FAT3: variants seen among roughly 807,000 people sequenced by gnomAD.
FAT3 encodes the protein FAT atypical cadherin 3.
Under a neutral mutation model 310.2 loss-of-function variants are expected in FAT3, and 95 were observed. The observed-to-expected ratio is 0.31, with a 90% confidence interval of 0.26 to 0.36. The LOEUF is 0.36. Ranked by LOEUF, FAT3 falls within the 10% of genes least tolerant of loss-of-function variation. The pLI, the probability that FAT3 is intolerant of heterozygous loss-of-function variation, is 1.00. For synonymous variants in FAT3, 2,314 were observed against 2,192.9 expected, an observed-to-expected ratio of 1.06 and a Z score of -1.54; for missense variants, 5,408 against 5,715.6, an observed-to-expected ratio of 0.95 and a Z score of 1.74.
chr11:92,607,189 T>C (rs980602264), intron 3 of FAT3, among the ~76,000 whole-genome samples: 13 of 152,174 alleles, frequency 8.5e-5, no homozygotes, highest in Non-Finnish European at 1.5e-4. Context: ...GAAATTTTCA[T>C]TGGTGATCAG....
At chr11:92,609,345 G>T (rs780579602) in intron 3 of FAT3, among the ~76,000 whole-genome samples, 2 of 152,066 alleles carry the variant, frequency 1.3e-5, no homozygotes, top group Admixed American at 1.3e-4. Flanking sequence ...TATGAATGTG[G>T]GTTAAAACCT....
At chr11:92,341,604 C>G (rs1027496011) in intron 1 of FAT3, among the ~76,000 whole-genome samples, 2 of 152,176 alleles carry the variant, frequency 1.3e-5, no homozygotes, top group Admixed American at 1.3e-4. Flanking sequence ...TTCCTTGACC[C>G]ACATGCAAGC....
At chr11:92,315,372 T>C (rs1046739900) in intron 1 of FAT3, among the ~76,000 whole-genome samples, 4 of 150,674 alleles carry the variant, frequency 2.7e-5, no homozygotes, top group African/African-American at 9.8e-5. Context: ...GAGGACATGA[T>C]GCAAACATTC....
chr11:92,755,305 C>G (rs960179443), intron 4 of FAT3, among the ~76,000 whole-genome samples: 1 of 152,260 alleles, frequency 6.6e-6, no homozygotes, highest in South Asian at 2.1e-4. Flanking sequence ...TCACTGCAAC[C>G]ACTGCCTCCT....
rs771424165 is a variant in FAT3, at chr11:92,765,132, TTGAC to T, written c.4195+47_4195+50del. ...AGAGCAGTATCATGCAATGTAATAA[TTGAC>T]TGAAGCAACTAGGAAAAAAAAAAAA... is the stretch of plus-strand genomic sequence containing the variant. On this transcript the variant is annotated intron_variant, in intron 6 of 27. Transcript: ENST00000525166. The T allele has an allele frequency of 5.5e-6, 8 of 1,453,692 alleles. No individual in the cohort carries two copies. In the South Asian group the frequency reaches 8.3e-5, roughly 15 times the overall value. The allele number at this position is 1,453,692 out of a possible 1,614,324, so 90.0% of individuals were successfully genotyped here.
chr11:92,844,615 G>C lies in FAT3; in HGVS notation c.11248G>C (p.Glu3750Gln), dbSNP rs1340163473. The C allele has an allele frequency of 6.2e-7, 1 of 1,613,446 alleles. No individual in the cohort carries two copies. The highest frequency in any genetic ancestry group is 8.5e-7 in the Non-Finnish European group (1 of 1,179,704). The change falls in exon 19 of 28, where the codon GAA becomes CAA. Residue 3750 changes from glutamate (E) to glutamine (Q), a missense_variant. Physicochemically the swap from Glu to Gln is conservative, Grantham distance 29. This residue lies in a region of FAT3 where 4,588 missense variants were observed against 4,809.8 expected (regional missense o/e 0.95). Coordinates refer to ENST00000525166, the MANE Select transcript of FAT3 (RefSeq NM_001367949.2). ...GAACTGCTCAGGGCTGGACTGTCAG[G>C]AACAGCATTGTGAGCAAGGCTTGTC... is the stretch of plus-strand genomic sequence containing the variant. The part of the protein sequence containing the change: ...EKNCSGLDCQ[E>Q]QHCEQGLSLD...
intron 1 of FAT3, among the ~76,000 whole-genome samples, chr11:92,330,073 A>C (rs1176734710): frequency 1.3e-5 from 2 of 152,170 alleles, no homozygotes; most frequent in African/African-American, 2.4e-5. Context: ...AGACAAACCC[A>C]AAAACAGTTG....
At chr11:92,673,334 T>A (rs1943190246) in intron 3 of FAT3, among the ~76,000 whole-genome samples, 1 of 152,224 alleles carries the variant, frequency 6.6e-6, no homozygotes, top group Non-Finnish European at 1.5e-5. Context: ...TAAACACTAG[T>A]GAACATCCAC....
At chr11:92,291,268 T>G (rs1353385093) in intron 1 of FAT3, among the ~76,000 whole-genome samples, 1 of 152,132 alleles carries the variant, frequency 6.6e-6, no homozygotes, top group Non-Finnish European at 1.5e-5. Flanking sequence ...TCTATCCTGT[T>G]GGAGGGGTTG....
At chr11:92,669,185 C>A (rs1184303383) in intron 3 of FAT3, among the ~76,000 whole-genome samples, 2 of 152,208 alleles carry the variant, frequency 1.3e-5, no homozygotes, top group Non-Finnish European at 2.9e-5. Flanking sequence ...TTAACTCTTG[C>A]AACCTCAAGT....
rs1223099904 is a variant in FAT3, at chr11:92,551,094, C to T, written c.3607+26146C>T. On this transcript the variant is annotated intron_variant, in intron 3 of 27. Transcript: ENST00000525166. ...TGATACCTGTCCACCCATTATTCTT[C>T]ACAGCCCTGATCTGATCCCTGTGAG... is the stretch of plus-strand genomic sequence containing the variant. Among the ~76,000 whole-genome samples, 6 of 152,150 alleles carry T rather than the reference C, an allele frequency of 3.9e-5. No homozygotes were observed. In the East Asian group the frequency reaches 9.7e-4, roughly 25 times the overall value.
intron 17 of FAT3, among the ~76,000 whole-genome samples, chr11:92,839,815 G>A (rs896522247): frequency 2.6e-5 from 4 of 152,176 alleles, no homozygotes; most frequent in African/African-American, 9.7e-5. Flanking sequence ...TTCAACGTGA[G>A]GATGACCTTT....
At chr11:92,836,997 T>C (rs529460537) in intron 16 of FAT3, among the ~76,000 whole-genome samples, 1 of 152,142 alleles carries the variant, frequency 6.6e-6, no homozygotes, top group Non-Finnish European at 1.5e-5. Flanking sequence ...TTTCAGGGTG[T>C]TGGGACCCTG....
intron 2 of FAT3, among the ~76,000 whole-genome samples, chr11:92,447,564 G>C (rs930955522): frequency 1.3e-5 from 2 of 152,092 alleles, no homozygotes; most frequent in African/African-American, 4.8e-5. Context: ...CTGAACTACA[G>C]TAATTGTACA....
intron 4 of FAT3, among the ~76,000 whole-genome samples, chr11:92,724,634 T>A (rs1448359160): frequency 6.6e-6 from 1 of 152,218 alleles, no homozygotes; most frequent in Non-Finnish European, 1.5e-5. Flanking sequence ...AGTCTCATTA[T>A]GAAGATGATT....
intron 2 of FAT3, among the ~76,000 whole-genome samples, chr11:92,465,077 A>C (rs1253892090): frequency 6.6e-6 from 1 of 152,112 alleles, no homozygotes; most frequent in East Asian, 1.9e-4. Context: ...CATTTATTTG[A>C]TTTACGTGAT....
intron 2 of FAT3, among the ~76,000 whole-genome samples, chr11:92,435,733 ATTG>A (rs1950922287): frequency 6.6e-6 from 1 of 151,644 alleles, no homozygotes; most frequent in African/African-American, 2.4e-5. Flanking sequence ...CCCAGCTCTA[ATTG>A]TTGTATTTTT....
intron 2 of FAT3, among the ~76,000 whole-genome samples, chr11:92,433,445 C>G (rs1255042123): frequency 2.0e-5 from 3 of 152,168 alleles, no homozygotes; most frequent in Non-Finnish European, 4.4e-5. Flanking sequence ...AGCTCTGTCC[C>G]TCATGGCACA....
At chr11:92,301,019 T>G (rs1946984844) in intron 1 of FAT3, among the ~76,000 whole-genome samples, 1 of 152,144 alleles carries the variant, frequency 6.6e-6, no homozygotes, top group Non-Finnish European at 1.5e-5. Flanking sequence ...GGAGTTTTTC[T>G]CAGCAGATGC....
Sources: allele counts gnomAD v4.1 joint callset (sites outside exome capture counted in the v4.1 genomes callset), GRCh38; gene constraint gnomAD v4.1.1; regional missense constraint gnomAD v4.1.1; transcripts MANE v1.5; gene names NCBI Gene and HGNC (gene_info 2026-07-23, HGNC 2026-07-21).